The following GRID1 variants were observed in gnomAD, a reference collection of about 807,000 sequenced individuals.
The protein encoded by GRID1 is glutamate receptor ionotropic, delta-1.
A neutral mutation model predicts 98.0 loss-of-function variants in GRID1; 28 were observed. The ratio of observed to expected loss-of-function variants is 0.29; its 90% CI spans 0.21 to 0.39. GRID1 has a LOEUF of 0.39. Among genes scored for constraint, GRID1 ranks in the 10% least tolerant of loss-of-function variants. GRID1 has a pLI of 1.00. For missense variants in GRID1, 1,111 were observed against 1,340.5 expected (o/e 0.83, Z 2.67); for synonymous variants, 553 against 538.5 (o/e 1.03, Z -0.37).
intron 4 of GRID1, among the ~76,000 whole-genome samples, chr10:85,994,522 C>T (rs1446389811): frequency 6.6e-6 from 1 of 152,202 alleles, no homozygotes; most frequent in Non-Finnish European, 1.5e-5. Context: ...TCAGTGATAA[C>T]CATAAAACTG....
At chr10:85,972,471 A>C (rs879837181) in intron 4 of GRID1, among the ~76,000 whole-genome samples, 26 of 147,856 alleles carry the variant, frequency 1.8e-4, no homozygotes, top group East Asian at 5.8e-4. Flanking sequence ...ATTTATATAA[A>C]TATATTAAAT....
Position 85,634,914 on chromosome 10 carries a change from G to T in GRID1, c.2193+12288C>A, listed in dbSNP as rs1316761022. 2.9e-5 allele frequency among the ~76,000 whole-genome samples: 4 copies of T among 139,274 alleles called. No individual in the cohort carries two copies. The South Asian group carries it at 9.6e-4, about 33-fold the overall frequency. 91.4% of individuals were successfully genotyped at this position (139,274 alleles called of 152,430 possible). On this transcript the variant is annotated intron_variant, in intron 13 of 15. Coordinates refer to ENST00000327946, the MANE Select transcript of GRID1 (RefSeq NM_017551.3). The stretch of plus-strand genomic sequence containing the variant: ...TAATATTCAATGGAACAAACAGAAT[G>T]GAATCAGCCCACATTTACAGCCAGC...
chr10:85,870,092 T>C (rs1843262987), intron 5 of GRID1, among the ~76,000 whole-genome samples: 1 of 152,150 alleles, frequency 6.6e-6, no homozygotes, highest in Non-Finnish European at 1.5e-5. Flanking sequence ...TGCCAAAGGA[T>C]TTTAACATTT....
At chr10:85,912,038 C>G (rs1841546387) in intron 5 of GRID1, among the ~76,000 whole-genome samples, 1 of 152,066 alleles carries the variant, frequency 6.6e-6, no homozygotes, top group Non-Finnish European at 1.5e-5. Context: ...AAATGCTTGT[C>G]AATGCAATTT....
intron 13 of GRID1, among the ~76,000 whole-genome samples, chr10:85,627,947 A>G (rs1243132022): frequency 6.6e-6 from 1 of 152,022 alleles, no homozygotes; most frequent in African/African-American, 2.4e-5. Flanking sequence ...ACCTTCACCA[A>G]GTCAGCAACA....
chr10:86,035,864 T>C (rs1843253377), intron 4 of GRID1, among the ~76,000 whole-genome samples: 1 of 151,930 alleles, frequency 6.6e-6, no homozygotes, highest in Non-Finnish European at 1.5e-5. Context: ...TTTAAGAGAA[T>C]AAAATAGGGG....
intron 12 of GRID1, among the ~76,000 whole-genome samples, chr10:85,711,702 G>A (rs1841583429): frequency 6.6e-6 from 1 of 151,672 alleles, no homozygotes; most frequent in Non-Finnish European, 1.5e-5. Flanking sequence ...AATACCTAAA[G>A]TTGTTCTTAA....
At chr10:85,905,208 G>C (rs1166656146) in intron 5 of GRID1, among the ~76,000 whole-genome samples, 1 of 151,834 alleles carries the variant, frequency 6.6e-6, no homozygotes, top group Non-Finnish European at 1.5e-5. Context: ...AATATGAGGA[G>C]GAAGATAGTA....
chr10:85,637,253 G>T (rs528356526), intron 13 of GRID1, among the ~76,000 whole-genome samples: 16 of 152,142 alleles, frequency 1.1e-4, no homozygotes, highest in Admixed American at 7.9e-4. Context: ...GGTGAAAAAA[G>T]AAATATTTTA....
intron 4 of GRID1, among the ~76,000 whole-genome samples, chr10:85,935,039 G>A (rs1841907886): frequency 6.6e-6 from 1 of 152,202 alleles, no homozygotes; most frequent in Non-Finnish European, 1.5e-5. Flanking sequence ...AAAGTCAAGA[G>A]CAAAAGCATC....
At chr10:86,205,672 A>T (rs1229753642) in intron 3 of GRID1, among the ~76,000 whole-genome samples, 2 of 152,216 alleles carry the variant, frequency 1.3e-5, no homozygotes, top group Admixed American at 6.5e-5. Flanking sequence ...AAAATTGTTT[A>T]AACACTAAAC....
At chr10:85,811,896 C>A (rs570605521) in intron 8 of GRID1, among the ~76,000 whole-genome samples, 2 of 152,098 alleles carry the variant, frequency 1.3e-5, no homozygotes, top group African/African-American at 4.8e-5. Context: ...TCCTCTCCCA[C>A]GTACATTAGA....
rs1362371412 is a variant in GRID1, at chr10:86,284,993, G to GCAC, written c.236-78346_236-78345insGTG. On this transcript the variant is annotated intron_variant, in intron 2 of 15. Transcript: ENST00000327946. ...ACAACAGTAATGGGGTTGCTGGAAG[G>GCAC]TACGAGACCATGCCATGCCTCTCCA... Among the ~76,000 whole-genome samples, 13 of 16,318 alleles carry GCAC rather than the reference G, an allele frequency of 8.0e-4. No homozygotes were observed. The African/African-American group carries it at 9.1e-3, about 11-fold the overall frequency. The allele number at this position is 16,318 out of a possible 152,430, so 10.7% of individuals were successfully genotyped here. A position where few individuals can be genotyped will look rare whatever the true frequency, so the allele number is the denominator to read the frequency against.
intron 4 of GRID1, among the ~76,000 whole-genome samples, chr10:86,125,762 G>A (rs958203150): frequency 1.3e-5 from 2 of 152,112 alleles, no homozygotes; most frequent in Non-Finnish European, 2.9e-5. Context: ...TACTCAACAT[G>A]AAGATAACAA....
chr10:86,068,794 C>T (rs903934401), intron 4 of GRID1, among the ~76,000 whole-genome samples: 1 of 152,186 alleles, frequency 6.6e-6, no homozygotes, highest in Admixed American at 6.5e-5. Context: ...CAAAACAAAA[C>T]CAACAGTGAA....
chr10:86,184,476 T>C (rs1466010905), intron 3 of GRID1, among the ~76,000 whole-genome samples: 2 of 150,850 alleles, frequency 1.3e-5, no homozygotes, highest in Admixed American at 6.6e-5. Flanking sequence ...TTTTTTTTTT[T>C]TTGCATACAG....
At chr10:86,348,113 C>G (rs1047992511) in intron 2 of GRID1, among the ~76,000 whole-genome samples, 9 of 152,330 alleles carry the variant, frequency 5.9e-5, no homozygotes, top group African/African-American at 2.2e-4. Context: ...CTGGGACACA[C>G]AAGTGTGCAT....
At chr10:85,860,676 CT>C (rs1234597005) in intron 6 of GRID1, among the ~76,000 whole-genome samples, 2 of 152,206 alleles carry the variant, frequency 1.3e-5, no homozygotes, top group African/African-American at 2.4e-5. Context: ...ACAGCAACAG[CT>C]TTGGATTCAT....
intron 6 of GRID1, among the ~76,000 whole-genome samples, chr10:85,864,730 C>T (rs940874384): frequency 6.6e-6 from 1 of 152,120 alleles, no homozygotes; most frequent in Non-Finnish European, 1.5e-5. Context: ...GGGTTGAAAT[C>T]CTCTAATAGA....
Sources: gnomAD v4.1 joint callset for allele counts (sites outside exome capture counted in the v4.1 genomes callset) on GRCh38, gnomAD v4.1.1 for gene constraint, MANE v1.5 for transcripts, NCBI Gene and HGNC (gene_info 2026-07-23, HGNC 2026-07-21) for gene names.